NT5DC1: variants seen among roughly 807,000 people sequenced by gnomAD.
The protein encoded by NT5DC1 is 5'-nucleotidase domain-containing protein 1.
A neutral mutation model predicts 59.4 loss-of-function variants in NT5DC1; 42 were observed. The ratio of observed to expected loss-of-function variants is 0.71; its 90% CI spans 0.55 to 0.92. The LOEUF is 0.92. NT5DC1 is among the 40% of genes least tolerant of loss of function. The probability of loss-of-function intolerance (pLI) is 0.00; values close to 1 mark genes in which losing one functional copy is unlikely to be tolerated. For missense variants in NT5DC1, 501 were observed against 537.1 expected (o/e 0.93, Z 0.66); for synonymous variants, 172 against 188.1 (o/e 0.91, Z 0.70).
Position 116,246,261 on chromosome 6 carries a change from AC to A in NT5DC1, c.*2238del, listed in dbSNP as rs1771846472. The A allele has an allele frequency of 2.0e-5, 3 of 152,094 alleles. No homozygotes were observed. Among genetic ancestry groups the A allele is most frequent in the Admixed American group, 2.0e-4 (3 of 15,258 alleles). The allele number at this position is 152,094 out of a possible 1,614,324, so 9.4% of individuals were successfully genotyped here. ...CGAGCGGAGGTTTTCTTTGCTGGCC[AC>A]TGTTTATCGCATCAGCAGAGGAAAG... On this transcript the variant is annotated 3_prime_UTR_variant, in exon 12 of 12. Transcript: ENST00000319550.
chr6:116,124,000 T>G (rs1008028610), intron 6 of NT5DC1, among the ~76,000 whole-genome samples: 4 of 152,200 alleles, frequency 2.6e-5, no homozygotes, highest in Non-Finnish European at 5.9e-5. Flanking sequence ...ATTGTGTTTG[T>G]TGCTTCAAGT....
chr6:116,222,729 G>C (rs1240419442), intron 7 of NT5DC1, among the ~76,000 whole-genome samples: 3 of 152,100 alleles, frequency 2.0e-5, no homozygotes, highest in Non-Finnish European at 4.4e-5. Flanking sequence ...AATATTTCCA[G>C]CTGTTAGAAA....
In NT5DC1 at chr6:116,231,194, C is replaced by CT. The variant is rs549379824; in HGVS notation, c.803-5769dup. On this transcript the variant is annotated intron_variant, in intron 8 of 11. Transcript: ENST00000319550. ...GATAAGAGTAAGAATCACACTTTTT[C>CT]TTTAATAGTATAATTGTCCTGTTAT... Among the ~76,000 whole-genome samples, 108 of 130,102 alleles carry CT rather than the reference C, an allele frequency of 8.3e-4. 2 individuals carry two copies. The East Asian group carries it at 0.026, about 31-fold the overall frequency. 85.4% of individuals were successfully genotyped at this position (130,102 alleles called of 152,430 possible).
At chr6:116,102,325 T>A (rs911940446) in intron 1 of NT5DC1, among the ~76,000 whole-genome samples, 3 of 152,204 alleles carry the variant, frequency 2.0e-5, no homozygotes, top group African/African-American at 7.2e-5. Context: ...AATTTTTTTT[T>A]AAATGTCCTT....
Position 116,129,654 on chromosome 6 carries a change from G to A in NT5DC1, c.529+11709G>A, listed in dbSNP as rs79537183. The stretch of plus-strand genomic sequence containing the variant: ...ATCCTCTTGGACTTCCTAGCCTTCA[G>A]AACTGTGTGCCGAATAAAGCTCTGT... On this transcript the variant is annotated intron_variant, in intron 6 of 11. Transcript: ENST00000319550. Among the ~76,000 whole-genome samples, 1,064 of 152,300 alleles carry A rather than the reference G, an allele frequency of 7.0e-3. 11 individuals carry two copies. The highest frequency in any genetic ancestry group is 0.012 in the Non-Finnish European group (828 of 68,030).
chr6:116,166,652 A>C (rs1251754677), intron 6 of NT5DC1, among the ~76,000 whole-genome samples: 1 of 152,182 alleles, frequency 6.6e-6, no homozygotes, highest in African/African-American at 2.4e-5. Flanking sequence ...GATAAAAAAC[A>C]CTCTTAAAAC....
intron 11 of NT5DC1, among the ~76,000 whole-genome samples, chr6:116,243,236 A>G (rs1031790900): frequency 2.0e-5 from 3 of 152,186 alleles, no homozygotes; most frequent in Non-Finnish European, 2.9e-5. Context: ...TCCTGTGACT[A>G]TGAAGAAGAT....
At chr6:116,104,275 C>T (rs1562115583) in intron 1 of NT5DC1, among the ~76,000 whole-genome samples, 1 of 152,176 alleles carries the variant, frequency 6.6e-6, no homozygotes, top group Non-Finnish European at 1.5e-5. Flanking sequence ...TCTCCTGTTA[C>T]AGAAAAATCT....
chr6:116,142,534 G>GA (rs1373922157), intron 6 of NT5DC1, among the ~76,000 whole-genome samples: 12 of 152,058 alleles, frequency 7.9e-5, no homozygotes, highest in African/African-American at 2.9e-4. Flanking sequence ...GTTAGCATCT[G>GA]AAAATAAACA....
chr6:116,193,706 C>T (rs1321623201), intron 6 of NT5DC1, among the ~76,000 whole-genome samples: 2 of 151,974 alleles, frequency 1.3e-5, no homozygotes, highest in African/African-American at 2.4e-5. Context: ...TTTAACTCTG[C>T]TGTAATAAAC....
At chr6:116,180,360 T>C (rs1394522627) in intron 6 of NT5DC1, among the ~76,000 whole-genome samples, 1 of 152,038 alleles carries the variant, frequency 6.6e-6, no homozygotes, top group Non-Finnish European at 1.5e-5. Context: ...AGTTTCTCTT[T>C]ATAGAAGAAT....
At chr6:116,213,892 A>G (rs138991967) in intron 6 of NT5DC1, among the ~76,000 whole-genome samples, 67 of 152,054 alleles carry the variant, frequency 4.4e-4, no homozygotes, top group African/African-American at 1.6e-3. Flanking sequence ...TGAGATGGAT[A>G]CTTTACCCAC....
chr6:116,237,794 T>C (rs1291863334), intron 9 of NT5DC1, among the ~76,000 whole-genome samples: 1 of 152,230 alleles, frequency 6.6e-6, no homozygotes, highest in Admixed American at 6.5e-5. Flanking sequence ...TGATTTGCAC[T>C]TTTAATAATC....
At chr6:116,128,392 T>C (rs983613347) in intron 6 of NT5DC1, among the ~76,000 whole-genome samples, 1 of 152,152 alleles carries the variant, frequency 6.6e-6, no homozygotes, top group Non-Finnish European at 1.5e-5. Context: ...TGTTTACTTG[T>C]AGCTGTTTGA....
intron 6 of NT5DC1, among the ~76,000 whole-genome samples, chr6:116,214,638 C>T (rs1283141906): frequency 6.6e-6 from 1 of 152,030 alleles, no homozygotes; most frequent in Non-Finnish European, 1.5e-5. Context: ...TGAAAGCATT[C>T]TGGATAATTC....
intron 6 of NT5DC1, among the ~76,000 whole-genome samples, chr6:116,138,381 C>CTAT (rs1779675305): frequency 6.6e-6 from 1 of 152,160 alleles, no homozygotes; most frequent in Non-Finnish European, 1.5e-5. Context: ...ACTGTGTTGG[C>CTAT]TATTCCTTGT....
chr6:116,144,882 C>T (rs1025446198), intron 6 of NT5DC1, among the ~76,000 whole-genome samples: 1 of 152,044 alleles, frequency 6.6e-6, no homozygotes, highest in Non-Finnish European at 1.5e-5. Context: ...CAAAAACAGA[C>T]GTTTTCAAAC....
At chr6:116,210,261 A>G (rs1781548183) in intron 6 of NT5DC1, among the ~76,000 whole-genome samples, 1 of 152,016 alleles carries the variant, frequency 6.6e-6, no homozygotes, top group South Asian at 2.1e-4. Context: ...TGTAAGGTTC[A>G]AAAAGAAGCT....
At chr6:116,140,615 GTAGT>G (rs1361446973) in intron 6 of NT5DC1, among the ~76,000 whole-genome samples, 2 of 152,100 alleles carry the variant, frequency 1.3e-5, no homozygotes, top group African/African-American at 4.8e-5. Context: ...GTTTCCTCAT[GTAGT>G]TAATTATGCT....
Sources: allele counts gnomAD v4.1 joint callset (sites outside exome capture counted in the v4.1 genomes callset), GRCh38; gene constraint gnomAD v4.1.1; transcripts MANE v1.5; gene names NCBI Gene and HGNC (gene_info 2026-07-23, HGNC 2026-07-21).